Variants in RAP1GDS1 observed in about 807,000 individuals in gnomAD.
RAP1GDS1 encodes the protein Rap1 GTPase-GDP dissociation stimulator 1.
In RAP1GDS1, 35 loss-of-function variants were observed where a neutral mutation model predicts 71.1. That is an observed-to-expected ratio of 0.49 (90% CI 0.38 to 0.65). The LOEUF is 0.65. Ranked by LOEUF, RAP1GDS1 falls within the 30% of genes least tolerant of loss-of-function variation. The pLI is 0.00. For synonymous variants in RAP1GDS1, 229 were observed against 243.1 expected, an observed-to-expected ratio of 0.94 and a Z score of 0.54; for missense variants, 663 against 706.1, an observed-to-expected ratio of 0.94 and a Z score of 0.69.
intron 4 of RAP1GDS1, among the ~76,000 whole-genome samples, chr4:98,372,542 TCA>T (rs1740545889): frequency 6.6e-6 from 1 of 152,234 alleles, no homozygotes; most frequent in Admixed American, 6.5e-5. Context: ...TCTTAGCTTA[TCA>T]CAGTTTATCT....
At chr4:98,328,226 C>T (rs2110359814) in intron 2 of RAP1GDS1, among the ~76,000 whole-genome samples, 1 of 152,198 alleles carries the variant, frequency 6.6e-6, no homozygotes, top group South Asian at 2.1e-4. Flanking sequence ...CCAGTTGATA[C>T]AAAAAGATCT....
chr4:98,273,249 A>C (rs56038362), intron 1 of RAP1GDS1, among the ~76,000 whole-genome samples: 6 of 152,232 alleles, frequency 3.9e-5, no homozygotes, highest in Admixed American at 3.3e-4. Context: ...TAAGAAAATC[A>C]CTCGTAAAGA....
intron 4 of RAP1GDS1, among the ~76,000 whole-genome samples, chr4:98,374,682 A>C (rs972012359): frequency 6.6e-6 from 1 of 152,178 alleles, no homozygotes; most frequent in Non-Finnish European, 1.5e-5. Context: ...AACTAGGTTC[A>C]TGTTTTGTTG....
chr4:98,292,879 G>A (rs1218148884), intron 1 of RAP1GDS1, among the ~76,000 whole-genome samples: 2 of 152,094 alleles, frequency 1.3e-5, no homozygotes, highest in East Asian at 3.8e-4. Context: ...TCCAAAATAT[G>A]CATGTTAGGG....
intron 3 of RAP1GDS1, among the ~76,000 whole-genome samples, chr4:98,346,457 G>A (rs934170624): frequency 1.3e-5 from 2 of 152,020 alleles, no homozygotes; most frequent in Non-Finnish European, 2.9e-5. Context: ...ATAAAGTTGA[G>A]ACTCCAGAAA....
intron 5 of RAP1GDS1, among the ~76,000 whole-genome samples, chr4:98,385,341 T>G (rs906959921): frequency 6.6e-6 from 1 of 151,792 alleles, no homozygotes; most frequent in Non-Finnish European, 1.5e-5. Context: ...AGTTGAAATA[T>G]GATGATATGA....
intron 4 of RAP1GDS1, among the ~76,000 whole-genome samples, chr4:98,375,135 CA>C (rs1740976804): frequency 6.6e-6 from 1 of 152,122 alleles, no homozygotes; most frequent in African/African-American, 2.4e-5. Flanking sequence ...CTCACCAGGG[CA>C]TGCCTCTCTC....
At position 98,373,841 on chromosome 4, in the gene RAP1GDS1, A is replaced by G. The variant is rs560993218; in HGVS notation, c.362-5176A>G. On this transcript the variant is annotated intron_variant, in intron 4 of 14. Coordinates refer to ENST00000408927, the MANE Select transcript of RAP1GDS1 (RefSeq NM_001100427.2). ...TCTTACACTTTGAGGCCATTAAGTA[A>G]AATAAGCATTACTTGAACACAAGCA... 2.6e-5 allele frequency among the ~76,000 whole-genome samples: 4 copies of G among 152,292 alleles called. No individual in the cohort carries two copies. The South Asian group carries it at 8.3e-4, about 32-fold the overall frequency.
At position 98,442,248 on chromosome 4, in the gene RAP1GDS1, C is replaced by A; in HGVS notation, c.*131C>A. The A allele has an allele frequency of 4.0e-6, 5 of 1,256,260 alleles. No individual in the cohort carries two copies. The highest frequency in any genetic ancestry group is 2.4e-5 in the East Asian group (1 of 40,918). 77.8% of individuals were successfully genotyped at this position (1,256,260 alleles called of 1,614,324 possible). A position where few individuals can be genotyped will look rare whatever the true frequency, so the allele number is the denominator to read the frequency against. On this transcript the variant is annotated 3_prime_UTR_variant, in exon 15 of 15. Coordinates refer to ENST00000408927, the MANE Select transcript of RAP1GDS1 (RefSeq NM_001100427.2). ...GATGTTCTAATACCAATTGAAGAAC[C>A]GCTGTAGGTACCTCCCTAATAAGAT...
In RAP1GDS1 at chr4:98,275,177, A is replaced by G. The variant is rs998018272; in HGVS notation, c.4+13608A>G. On this transcript the variant is annotated intron_variant, in intron 1 of 14. Transcript: ENST00000408927. ...CTGGTAGTATCGATGTATATTGTAT[A>G]GTACAATGGTTTGCCATCTAACTCG... 2.6e-5 allele frequency among the ~76,000 whole-genome samples: 4 copies of G among 152,166 alleles called. No homozygotes were observed. In the East Asian group the frequency reaches 5.8e-4, roughly 22 times the overall value.
Position 98,393,401 on chromosome 4 carries a change from GTCAT to G in RAP1GDS1, c.637+1329_637+1332del, listed in dbSNP as rs1455669775. Among the ~76,000 whole-genome samples the G allele has an allele frequency of 2.6e-5, 4 of 151,982 alleles. No homozygotes were observed. The East Asian group carries it at 7.7e-4, about 29-fold the overall frequency. On this transcript the variant is annotated intron_variant, in intron 6 of 14. Transcript: ENST00000408927. The stretch of plus-strand genomic sequence containing the variant: ...CTAGCCTAATTAACACATTTTTTCT[GTCAT>G]TCATTCAAGTGAGACCAAGAATAAA...
At chr4:98,358,230 C>T (rs1428712409) in intron 4 of RAP1GDS1, among the ~76,000 whole-genome samples, 4 of 151,976 alleles carry the variant, frequency 2.6e-5, no homozygotes, top group Admixed American at 6.6e-5. Context: ...TGTGCACATA[C>T]CTAGTTACAA....
intron 7 of RAP1GDS1, among the ~76,000 whole-genome samples, chr4:98,416,225 A>G (rs1747961624): frequency 2.6e-5 from 4 of 152,172 alleles, no homozygotes; most frequent in Admixed American, 2.6e-4. Context: ...GCAATTTCAA[A>G]TGGAAATATG....
intron 2 of RAP1GDS1, among the ~76,000 whole-genome samples, chr4:98,326,275 C>A (rs927806571): frequency 2.0e-5 from 3 of 152,136 alleles, no homozygotes; most frequent in African/African-American, 7.2e-5. Flanking sequence ...AATCAAAAAC[C>A]TCTACCAAAA....
Position 98,442,134 on chromosome 4 carries a change from G to T in RAP1GDS1, c.*17G>T. On this transcript the variant is annotated 3_prime_UTR_variant, in exon 15 of 15. Transcript: ENST00000408927. ...GAAAGCTGAGAACTGCCCGATACAC[G>T]GCATCATCCCATCTCTAATTTCCCC... 1.2e-6 allele frequency: 2 copies of T among 1,609,396 alleles called. No individual in the cohort carries two copies. Among genetic ancestry groups the T allele is most frequent in the South Asian group, 2.2e-5 (2 of 90,936 alleles).
chr4:98,272,525 G>C (rs1410949770), intron 1 of RAP1GDS1, among the ~76,000 whole-genome samples: 1 of 152,104 alleles, frequency 6.6e-6, no homozygotes, highest in African/African-American at 2.4e-5. Context: ...TCTGTGGTCG[G>C]ACGTTGTCAT....
rs977433771 is a variant in RAP1GDS1, at chr4:98,348,394, T to C, written c.236-4082T>C. 2.6e-5 allele frequency among the ~76,000 whole-genome samples: 4 copies of C among 152,266 alleles called. No individual in the cohort carries two copies. In the South Asian group the frequency reaches 8.3e-4, roughly 32 times the overall value. ...ATGGGCATTTGGGTTGGTTCCAAGT[T>C]TTTGCTATTATGAATAGTGCCACAG... On this transcript the variant is annotated intron_variant, in intron 3 of 14. Coordinates refer to ENST00000408927, the MANE Select transcript of RAP1GDS1 (RefSeq NM_001100427.2).
chr4:98,443,468 G>A lies in RAP1GDS1; in HGVS notation c.*1351G>A, dbSNP rs1391503659. ...CCCATACCCAAATTTGACCACTACTGGCCTAAAAGGCAAGATGGGCTTCGA... is the reference window on the plus strand; with the variant it reads ...CCCATACCCAAATTTGACCACTACTAGCCTAAAAGGCAAGATGGGCTTCGA... On this transcript the variant is annotated 3_prime_UTR_variant, in exon 15 of 15. Transcript: ENST00000408927. 4.3e-6 allele frequency: 1 copy of A among 229,890 alleles called. No individual in the cohort carries two copies. Among genetic ancestry groups the A allele is most frequent in the Non-Finnish European group, 8.6e-6 (1 of 116,074 alleles). 14.2% of individuals were successfully genotyped at this position (229,890 alleles called of 1,614,324 possible). A position where few individuals can be genotyped will look rare whatever the true frequency, so the allele number is the denominator to read the frequency against.
At chr4:98,286,907 AAAAG>A (rs1422817809) in intron 1 of RAP1GDS1, among the ~76,000 whole-genome samples, 1 of 151,340 alleles carries the variant, frequency 6.6e-6, no homozygotes, top group Non-Finnish European at 1.5e-5. Context: ...AAAAAAAAAA[AAAAG>A]AATGAATGAA....
Sources: allele counts gnomAD v4.1 joint callset (sites outside exome capture counted in the v4.1 genomes callset), GRCh38; gene constraint gnomAD v4.1.1; transcripts MANE v1.5; gene names NCBI Gene and HGNC (gene_info 2026-07-23, HGNC 2026-07-21).